The following BTBD1 variants were observed in gnomAD, a reference collection of about 807,000 sequenced individuals.
The protein encoded by BTBD1 is BTB domain containing 1.
In BTBD1, 34 loss-of-function variants were observed where a neutral mutation model predicts 48.0. The observed-to-expected ratio is 0.71, with a 90% CI of 0.54 to 0.94. The LOEUF is 0.94. Among genes scored for constraint, BTBD1 ranks in the 40% least tolerant of loss-of-function variants. The probability of loss-of-function intolerance (pLI) is 0.00; values close to 1 mark genes in which losing one functional copy is unlikely to be tolerated. For missense variants in BTBD1, 543 were observed against 625.6 expected, an observed-to-expected ratio of 0.87 and a Z score of 1.41; for synonymous variants, 261 against 242.1, an observed-to-expected ratio of 1.08 and a Z score of -0.72.
At position 83,042,348 on chromosome 15, in the gene BTBD1, T is replaced by TTATATATATA. The variant is rs61294242; in HGVS notation, c.665-433_665-424dup. The stretch of plus-strand genomic sequence containing the variant: ...ACGTGCCAGGTACTATTAGGCAATT[T>TTATATATATA]TATATATATATATATATATATATAT... On this transcript the variant is annotated intron_variant, in intron 3 of 7. Transcript: ENST00000261721. 7.2e-3 allele frequency among the ~76,000 whole-genome samples: 791 copies of TTATATATATA among 109,812 alleles called. 27 individuals are homozygous for TTATATATATA. The highest frequency in any genetic ancestry group is 9.3e-3 in the Non-Finnish European group (506 of 54,158). The allele number at this position is 109,812 out of a possible 152,430, so 72.0% of individuals were successfully genotyped here.
intron 3 of BTBD1, among the ~76,000 whole-genome samples, chr15:83,046,418 C>G (rs1365947127): frequency 6.6e-6 from 1 of 152,130 alleles, no homozygotes; most frequent in Non-Finnish European, 1.5e-5. Context: ...CAGAAAAACA[C>G]AGCAGATTGT....
Position 83,026,016 on chromosome 15 carries a change from G to A in BTBD1, c.1055+4120C>T, listed in dbSNP as rs202146328. Among the ~76,000 whole-genome samples the A allele has an allele frequency of 2.6e-5, 4 of 152,022 alleles. No individual in the cohort carries two copies. In the East Asian group the frequency reaches 5.8e-4, roughly 22 times the overall value. Reference sequence around the variant, plus strand: ...GATCTCTTGACCTTGTGATCCGCCCGCCTCAGCCTCCCAAAGTGCTGGGAT... The same window carrying A: ...GATCTCTTGACCTTGTGATCCGCCCACCTCAGCCTCCCAAAGTGCTGGGAT... On this transcript the variant is annotated intron_variant, in intron 5 of 7. Coordinates refer to ENST00000261721, the MANE Select transcript of BTBD1 (RefSeq NM_025238.4).
At chr15:83,031,895 A>G (rs1326091240) in intron 4 of BTBD1, among the ~76,000 whole-genome samples, 3 of 152,174 alleles carry the variant, frequency 2.0e-5, no homozygotes, top group Non-Finnish European at 4.4e-5. Context: ...TCCTGCAAGA[A>G]TGGCCATAAT....
chr15:83,026,711 G>A (rs1486577349), intron 5 of BTBD1, among the ~76,000 whole-genome samples: 2 of 151,846 alleles, frequency 1.3e-5, no homozygotes, highest in African/African-American at 2.4e-5. Flanking sequence ...TAGTAGAGAC[G>A]GGGTTTCTCC....
At chr15:83,062,718 G>A (rs777235216) in intron 1 of BTBD1, among the ~76,000 whole-genome samples, 18 of 149,734 alleles carry the variant, frequency 1.2e-4, no homozygotes, top group Non-Finnish European at 1.8e-4. Context: ...GCTAAGTAGA[G>A]CTTTGGAGAC....
At chr15:83,023,691 A>G (rs2032346051) in intron 5 of BTBD1, among the ~76,000 whole-genome samples, 1 of 152,180 alleles carries the variant, frequency 6.6e-6, no homozygotes, top group Admixed American at 6.5e-5. Context: ...CACCCAGTCA[A>G]AAGGCACAGT....
chr15:83,035,936 A>C (rs2032618117), intron 4 of BTBD1, among the ~76,000 whole-genome samples: 1 of 151,910 alleles, frequency 6.6e-6, no homozygotes, highest in Non-Finnish European at 1.5e-5. Flanking sequence ...CAGTAGTCAT[A>C]AAAATACATT....
intron 1 of BTBD1, among the ~76,000 whole-genome samples, chr15:83,059,712 A>G (rs2033146721): frequency 6.6e-6 from 1 of 152,206 alleles, no homozygotes; most frequent in African/African-American, 2.4e-5. Flanking sequence ...CCTCCAGAGT[A>G]ACTAACACTA....
At chr15:83,066,013 C>G (rs1434019374) in intron 1 of BTBD1, among the ~76,000 whole-genome samples, 1 of 152,082 alleles carries the variant, frequency 6.6e-6, no homozygotes, top group Non-Finnish European at 1.5e-5. Context: ...AAAAAGTGGC[C>G]AGGCGCGGTG....
Position 83,058,667 on chromosome 15 carries a change from A to G in BTBD1, c.402-2122T>C, listed in dbSNP as rs528590768. 3.3e-5 allele frequency among the ~76,000 whole-genome samples: 5 copies of G among 152,292 alleles called. No homozygotes were observed. In the South Asian group the frequency reaches 8.3e-4, roughly 25 times the overall value. On this transcript the variant is annotated intron_variant, in intron 1 of 7. Coordinates refer to ENST00000261721, the MANE Select transcript of BTBD1 (RefSeq NM_025238.4). ...TGTTTGAAGGACAAGGTAGCAGTCTAGAAGTCTTTACATGCCTGCCTTGAT... is the reference window on the plus strand; with the variant it reads ...TGTTTGAAGGACAAGGTAGCAGTCTGGAAGTCTTTACATGCCTGCCTTGAT...
intron 6 of BTBD1, among the ~76,000 whole-genome samples, chr15:83,019,483 G>A (rs965401689): frequency 1.3e-5 from 2 of 151,742 alleles, no homozygotes; most frequent in Non-Finnish European, 2.9e-5. Context: ...GAGCCACTGC[G>A]CCCAGACTGT....
chr15:83,021,182 T>C (rs1039427724), intron 5 of BTBD1, among the ~76,000 whole-genome samples: 15 of 152,184 alleles, frequency 9.9e-5, no homozygotes, highest in Non-Finnish European at 2.2e-4. Context: ...ACTGCGGAAG[T>C]AATGGTCAAC....
chr15:83,049,031 C>T (rs2032931681), intron 3 of BTBD1, among the ~76,000 whole-genome samples: 1 of 152,202 alleles, frequency 6.6e-6, no homozygotes, highest in Non-Finnish European at 1.5e-5. Flanking sequence ...CGCTTTCATA[C>T]TATGTCATTT....
chr15:83,041,668 C>A, intron 4 of BTBD1, 60 bp downstream of exon 4: 1 of 1,533,458 alleles, frequency 6.5e-7, no homozygotes, highest in Non-Finnish European at 9.0e-7. Flanking sequence ...GCCACCAGGC[C>A]CAGCCCTGAC....
chr15:83,058,472 G>T (rs759707414), intron 1 of BTBD1, among the ~76,000 whole-genome samples: 2 of 152,144 alleles, frequency 1.3e-5, no homozygotes, highest in Admixed American at 6.5e-5. Context: ...GGCCAGGCAC[G>T]GTGGCTCATG....
rs776523578 is a variant in BTBD1, at chr15:83,066,907, G to A, written c.245C>T (p.Ala82Val). The A allele has an allele frequency of 5.3e-6, 8 of 1,521,208 alleles. No homozygotes were observed. The African/African-American group carries it at 1.0e-4, about 19-fold the overall frequency. The allele number at this position is 1,521,208 out of a possible 1,614,324, so 94.2% of individuals were successfully genotyped here. A position where few individuals can be genotyped will look rare whatever the true frequency, so the allele number is the denominator to read the frequency against. Residue 82 changes from alanine (A) to valine (V), a missense_variant, in exon 1 of 8, where the codon GCC becomes GTC. Ala to Val is a moderately conservative substitution (Grantham distance 64, BLOSUM62 0). Around this residue, in one of 3 missense-constraint regions of BTBD1, gnomAD observed 173 missense variants for 163.9 expected, o/e 1.06. Coordinates refer to ENST00000261721, the MANE Select transcript of BTBD1 (RefSeq NM_025238.4). ...RFVLGKGRGA[A>V]AAGGPQRIPA... ...GATGCGCTGCGGGCCCCCAGCGGCG[G>A]CGGCGCCGCGACCCTTGCCCAGTAC... is the stretch of plus-strand genomic sequence containing the variant.
chr15:83,027,400 T>C (rs1596425344), intron 5 of BTBD1, among the ~76,000 whole-genome samples: 3 of 152,304 alleles, frequency 2.0e-5, no homozygotes, highest in Admixed American at 6.5e-5. Context: ...ATTTTCTTTA[T>C]TCCACAAAAG....
At chr15:83,048,092 G>C (rs1215508478) in intron 3 of BTBD1, among the ~76,000 whole-genome samples, 1 of 152,198 alleles carries the variant, frequency 6.6e-6, no homozygotes, top group African/African-American at 2.4e-5. Context: ...ATATGGTTAA[G>C]TAGTGGTCAG....
In BTBD1 at chr15:83,018,107, A is replaced by G. The variant is rs1022846286; in HGVS notation, c.1409T>C (p.Ile470Thr). The G allele has an allele frequency of 5.0e-6, 8 of 1,610,352 alleles. No homozygotes were observed. The highest frequency in any genetic ancestry group is 6.8e-6 in the Non-Finnish European group (8 of 1,177,906). The stretch of plus-strand genomic sequence containing the variant: ...GATTTCTGGAATTTGTCCATCTTCT[A>G]TTGAAGTGCCATTATTATTGCCAGG... ...SSPGNNNGTSIEDGQIPEIIF... is the reference protein window; with the variant it reads ...SSPGNNNGTSTEDGQIPEIIF... The change falls in exon 8 of 8, where the codon ATA becomes ACA. Residue 470 changes from isoleucine (I) to threonine (T), a missense_variant. By Grantham distance (89) the Ile-to-Thr change is moderately conservative. Around this residue, in one of 3 missense-constraint regions of BTBD1, gnomAD observed 300 missense variants for 350.0 expected, o/e 0.86. Coordinates refer to ENST00000261721, the MANE Select transcript of BTBD1 (RefSeq NM_025238.4).
Sources: allele counts gnomAD v4.1 joint callset (sites outside exome capture counted in the v4.1 genomes callset), GRCh38; gene constraint gnomAD v4.1.1; regional missense constraint gnomAD v4.1.1; transcripts MANE v1.5; gene names NCBI Gene and HGNC (gene_info 2026-07-23, HGNC 2026-07-21).